Variants in FOXP4 observed in about 807,000 individuals in gnomAD.
The protein encoded by FOXP4 is forkhead box P4.
In FOXP4, 25 loss-of-function variants were observed where a neutral mutation model predicts 82.6. The observed-to-expected ratio is 0.30, with a 90% CI of 0.22 to 0.42. The LOEUF is 0.42. FOXP4 is among the 10% of genes least tolerant of loss of function. The pLI is 1.00. For missense variants in FOXP4, 785 were observed against 900.9 expected (o/e 0.87, Z 1.65); for synonymous variants, 415 against 388.2 (o/e 1.07, Z -0.81).
At chr6:41,579,178 C>G (rs144627719) in intron 3 of FOXP4, among the ~76,000 whole-genome samples, 1 of 152,096 alleles carries the variant, frequency 6.6e-6, no homozygotes, top group Non-Finnish European at 1.5e-5. Context: ...AACAGTAACC[C>G]TCTTAAAATT....
At position 41,575,321 on chromosome 6, in the gene FOXP4, G is replaced by T. The variant is rs181285453; in HGVS notation, c.205-2665G>T. 1.1e-4 allele frequency among the ~76,000 whole-genome samples: 16 copies of T among 152,324 alleles called. No homozygotes were observed. In the East Asian group the frequency reaches 1.7e-3, roughly 17 times the overall value. On this transcript the variant is annotated intron_variant, in intron 2 of 16. Coordinates refer to ENST00000307972, the MANE Select transcript of FOXP4 (RefSeq NM_001012426.2). The stretch of plus-strand genomic sequence containing the variant: ...ACAGAACCTGAGCTGTGAGCCCTGG[G>T]GGGGCAGAGGCCACATTCTGTTTCT...
In FOXP4 at chr6:41,587,868, C is replaced by T. The variant is rs988022324; in HGVS notation, c.948C>T (p.Thr316=). The part of the protein sequence containing the change: ...HGECKWPGCE[T]LCEDLGQFIK... ...AGTGCAAGTGGCCAGGCTGTGAGAC[C>T]CTGTGTGAAGACCTGGGCCAGTTTA... The change falls in exon 8 of 17, where the codon ACC becomes ACT. Residue 316 remains threonine (T), a synonymous_variant. Coordinates refer to ENST00000307972, the MANE Select transcript of FOXP4 (RefSeq NM_001012426.2). 7.7e-6 allele frequency: 12 copies of T among 1,565,254 alleles called. No individual in the cohort carries two copies. In the African/African-American group the frequency reaches 1.1e-4, roughly 14 times the overall value.
At chr6:41,584,029 C>A (rs975773559) in intron 3 of FOXP4, among the ~76,000 whole-genome samples, 1 of 152,222 alleles carries the variant, frequency 6.6e-6, no homozygotes, top group African/African-American at 2.4e-5. Context: ...GTCACACAGC[C>A]AGCTCAGTGC....
chr6:41,579,487 C>T (rs902291938), intron 3 of FOXP4, among the ~76,000 whole-genome samples: 4 of 152,136 alleles, frequency 2.6e-5, no homozygotes, highest in Non-Finnish European at 2.9e-5. Context: ...CAACAGCAAA[C>T]GTTCCCCCAA....
intron 13 of FOXP4, 39 bp from the exon 14 acceptor site, chr6:41,594,831 A>G (rs765483572): frequency 5.6e-6 from 9 of 1,611,646 alleles, no homozygotes; most frequent in Middle Eastern, 1.7e-4. Flanking sequence ...TGCTTGGCCA[A>G]GCAAGCCGCC....
At chr6:41,596,046 C>G (rs1360122851) in intron 14 of FOXP4, among the ~76,000 whole-genome samples, 1 of 152,174 alleles carries the variant, frequency 6.6e-6, no homozygotes. Context: ...TACAGGCGCC[C>G]ACCACCACAC....
chr6:41,598,715 G>A (rs767242043), intron 16 of FOXP4, 74 bp from the exon 17 acceptor site: 1 of 1,545,380 alleles, frequency 6.5e-7, no homozygotes, highest in South Asian at 1.2e-5. Context: ...AGAGTTCTGG[G>A]TGAGTTTGGG....
intron 1 of FOXP4, among the ~76,000 whole-genome samples, chr6:41,552,594 A>G (rs903634384): frequency 1.1e-4 from 17 of 152,288 alleles, no homozygotes; most frequent in African/African-American, 3.8e-4. Flanking sequence ...AACTGAGCGC[A>G]TCAGTTCCAG....
chr6:41,601,024 G>C lies in FOXP4; in HGVS notation c.*2088G>C, dbSNP rs1767193980. 1 of 152,282 alleles carries C rather than the reference G, an allele frequency of 6.6e-6. No homozygotes were observed. The highest frequency in any genetic ancestry group is 2.1e-4 in the South Asian group (1 of 4,834). 9.4% of individuals were successfully genotyped at this position (152,282 alleles called of 1,614,324 possible). A position where few individuals can be genotyped will look rare whatever the true frequency, so the allele number is the denominator to read the frequency against. ...CAGGGTTCTTTTACCTGTGCCACCA[G>C]CTCTGGAGACATCCACACCCATTCC... On this transcript the variant is annotated 3_prime_UTR_variant, in exon 17 of 17. Transcript: ENST00000307972.
chr6:41,547,879 A>G (rs1487001985), intron 1 of FOXP4, among the ~76,000 whole-genome samples: 2 of 151,648 alleles, frequency 1.3e-5, no homozygotes, highest in African/African-American at 2.4e-5. Flanking sequence ...TCCACGCCAA[A>G]CAAACTTCCT....
chr6:41,573,330 G>A (rs975914683), intron 2 of FOXP4, among the ~76,000 whole-genome samples: 29 of 152,166 alleles, frequency 1.9e-4, no homozygotes, highest in Admixed American at 3.3e-4. Context: ...CCATAGCACC[G>A]AGACTTGTTT....
chr6:41,557,511 T>C (rs148175010), intron 1 of FOXP4, among the ~76,000 whole-genome samples: 1 of 152,352 alleles, frequency 6.6e-6, no homozygotes, highest in Non-Finnish European at 1.5e-5. Context: ...CTCTAGGGGA[T>C]TGGCTCAATA....
chr6:41,549,710 G>A (rs74397815), intron 1 of FOXP4, among the ~76,000 whole-genome samples: 4,494 of 146,838 alleles, frequency 0.031, 245 homozygotes, highest in East Asian at 0.15. Context: ...TGTTGGGGTA[G>A]GAGAGACAGA....
At chr6:41,590,200 C>T (rs778490847) in intron 11 of FOXP4, 30 bp downstream of exon 11, 22 of 1,606,498 alleles carry the variant, frequency 1.4e-5, no homozygotes, top group African/African-American at 2.7e-5. Context: ...TGCAGGGCGA[C>T]AGCAGCGTGA....
intron 13 of FOXP4, 112 bp from the exon 14 acceptor site, chr6:41,594,758 G>T: frequency 1.3e-6 from 2 of 1,507,930 alleles, no homozygotes; most frequent in East Asian, 2.4e-5. Flanking sequence ...GCTCATCCCT[G>T]AGCTGGGGAA....
At position 41,594,970 on chromosome 6, in the gene FOXP4, G is replaced by A. The variant is rs757090227; in HGVS notation, c.1637G>A (p.Arg546Gln). 2 of 1,614,136 alleles carry A rather than the reference G, an allele frequency of 1.2e-6. No homozygotes were observed. The highest frequency in any genetic ancestry group is 1.1e-5 in the South Asian group (1 of 91,086). Reference protein sequence around the residue: ...WTVDEREYQKRRPPKMTGSPT... With the variant: ...WTVDEREYQKQRPPKMTGSPT... ...GTGGACGAGCGGGAGTATCAGAAGC[G>A]GAGACCGCCAAAGATGACAGGGTAT... is the stretch of plus-strand genomic sequence containing the variant. The change falls in exon 14 of 17, where the codon CGG becomes CAG. Residue 546 changes from arginine to glutamine, a missense_variant. By Grantham distance (43) the Arg-to-Gln change is conservative (BLOSUM62 1). Around this residue, in one of 3 missense-constraint regions of FOXP4, gnomAD observed 184 missense variants for 187.3 expected, o/e 0.98. Transcript: ENST00000307972.
intron 1 of FOXP4, chr6:41,548,415 GC>G (rs1193762952): frequency 6.6e-6 from 1 of 152,326 alleles, no homozygotes; most frequent in Non-Finnish European, 1.5e-5. Flanking sequence ...TCGGAGACCT[GC>G]CTAGATTCGT....
At position 41,585,420 on chromosome 6, in the gene FOXP4, C is replaced by T; in HGVS notation, c.424-11C>T. On this transcript the variant is annotated splice_polypyrimidine_tract_variant and intron_variant, in intron 4 of 16. Transcript: ENST00000307972. ...TACCCTGCCAGTGGTAACCCTCCTC[C>T]ACCCCCCCAGCTACAGGAGTACTAC... 6.2e-7 allele frequency: 1 copy of T among 1,613,104 alleles called. No individual in the cohort carries two copies. The highest frequency in any genetic ancestry group is 8.5e-7 in the Non-Finnish European group (1 of 1,179,456).
At chr6:41,587,573 C>T (rs537591559) in intron 7 of FOXP4, 61 bp downstream of exon 7, 9 of 1,352,078 alleles carry the variant, frequency 6.7e-6, no homozygotes, top group Non-Finnish European at 8.1e-6. Flanking sequence ...CCTGGCCCCC[C>T]ACCCATGAGG....
Sources: allele counts gnomAD v4.1 joint callset (sites outside exome capture counted in the v4.1 genomes callset), GRCh38; gene constraint gnomAD v4.1.1; regional missense constraint gnomAD v4.1.1; transcripts MANE v1.5; gene names NCBI Gene and HGNC (gene_info 2026-07-23, HGNC 2026-07-21).